Variants in ZDHHC18 observed in about 807,000 individuals in gnomAD.
ZDHHC18 encodes the protein palmitoyltransferase ZDHHC18.
ZDHHC18 carries 23 observed loss-of-function variants against 37.5 expected under a neutral mutation model. The observed-to-expected ratio is 0.61, with a 90% confidence interval of 0.44 to 0.87. The LOEUF (loss-of-function observed/expected upper bound fraction) is 0.87. Among genes scored for constraint, ZDHHC18 ranks in the 40% least tolerant of loss-of-function variants. The pLI is 0.00. For missense variants in ZDHHC18, 406 were observed against 525.6 expected (o/e 0.77, Z 2.22); for synonymous variants, 185 against 218.7 (o/e 0.85, Z 1.36).
At position 26,826,952 on chromosome 1, in the gene ZDHHC18, A is replaced by G. The variant is rs866285598; in HGVS notation, c.148A>G (p.Ser50Gly). Residue 50 changes from serine to glycine, a missense_variant, in exon 1 of 8, where the codon AGC (serine) becomes GGC (glycine). Coordinates refer to ENST00000374142, the MANE Select transcript of ZDHHC18 (RefSeq NM_032283.3). The surrounding 1 kb of genome is among the most constrained non-coding windows in gnomAD (Gnocchi z 5.2). ...PAAPAPPRWSSSGSGSGSGSG... is the reference protein window; with the variant it reads ...PAAPAPPRWSGSGSGSGSGSG... ...CGCCCCCGCCCCGCCGCGCTGGAGC[A>G]GCAGCGGCAGCGGCAGCGGCAGCGG... is the stretch of plus-strand genomic sequence containing the variant. 2,428 of 1,191,590 alleles carry G rather than the reference A, an allele frequency of 2.0e-3. 11 individuals are homozygous for G. Among genetic ancestry groups the G allele is most frequent in the Middle Eastern group, 4.0e-3 (12 of 3,022 alleles). The allele number at this position is 1,191,590 out of a possible 1,614,324, so 73.8% of individuals were successfully genotyped here.
chr1:26,852,590 G>C (rs183371110), intron 6 of ZDHHC18, among the ~76,000 whole-genome samples, 163 bp from the exon 7 acceptor site: 3 of 152,200 alleles, frequency 2.0e-5, no homozygotes, highest in African/African-American at 7.2e-5. Flanking sequence ...TCTCTGCCAG[G>C]GGTCCCCCAC....
rs528223672 is a variant in ZDHHC18 at position 26,838,918 on chromosome 1, G to C, written c.496+6311G>C. Among the ~76,000 whole-genome samples, 4 of 152,390 alleles carry C rather than the reference G, an allele frequency of 2.6e-5. No homozygotes were observed. The South Asian group carries it at 8.3e-4, about 32-fold the overall frequency. On this transcript the variant is annotated intron_variant, in intron 2 of 7. Coordinates refer to ENST00000374142, the MANE Select transcript of ZDHHC18 (RefSeq NM_032283.3). ...TATGGTGACCTAGCACTCGAGGCCT[G>C]GGAGCTGTGGCTGACCTTGAGCTGG...
Position 26,851,184 on chromosome 1 carries a change from G to C in ZDHHC18, c.889G>C (p.Gly297Arg), listed in dbSNP as rs770969399. The change falls in exon 6 of 8, where the codon GGG becomes CGG. Residue 297 changes from glycine (G) to arginine (R), a missense_variant. By Grantham distance (125) the Gly-to-Arg change is moderately radical (BLOSUM62 -2). Transcript: ENST00000374142. ...FSIWSILGLS[G>R]FHTYLVASNL... is the part of the protein sequence containing the mutation. Reference sequence around the variant, plus strand: ...CATCTGGTCCATTCTGGGCCTCTCAGGGTTTCACACGTACCTCGTCGCCTC... The same window carrying C: ...CATCTGGTCCATTCTGGGCCTCTCACGGTTTCACACGTACCTCGTCGCCTC... 6.2e-7 allele frequency: 1 copy of C among 1,614,170 alleles called. No individual in the cohort carries two copies. The highest frequency in any genetic ancestry group is 2.2e-5 in the East Asian group (1 of 44,892).
intron 1 of ZDHHC18, 136 bp downstream of exon 1, chr1:26,827,275 G>C (rs1178016304): frequency 1.6e-5 from 12 of 729,844 alleles, no homozygotes; most frequent in Admixed American, 4.4e-5. Context: ...GATCCTCCTC[G>C]GGCCTCTTGT....
chr1:26,846,930 C>T (rs1203953970), intron 2 of ZDHHC18, among the ~76,000 whole-genome samples: 1 of 151,482 alleles, frequency 6.6e-6, no homozygotes, highest in Non-Finnish European at 1.5e-5. Flanking sequence ...GAGTCTCCCA[C>T]CGTCGCCCAG....
chr1:26,829,792 T>C (rs1351059485), intron 1 of ZDHHC18, among the ~76,000 whole-genome samples: 1 of 152,216 alleles, frequency 6.6e-6, no homozygotes, highest in African/African-American at 2.4e-5. Context: ...CCTAGTTCTG[T>C]CATTGGCTGG....
Position 26,847,536 on chromosome 1 carries a change from T to C in ZDHHC18, c.497-1072T>C, listed in dbSNP as rs139726264. Among the ~76,000 whole-genome samples the C allele has an allele frequency of 4.7e-3, 713 of 152,296 alleles. 3 individuals carry two copies. Among genetic ancestry groups the C allele is most frequent in the Non-Finnish European group, 7.9e-3 (540 of 68,024 alleles). ...CTGTTTCGTAGTTTTTAATCTGTAGTCAGATTTCCACAGTTGCCCTCCAAA... is the reference window on the plus strand; with the variant it reads ...CTGTTTCGTAGTTTTTAATCTGTAGCCAGATTTCCACAGTTGCCCTCCAAA... On this transcript the variant is annotated intron_variant, in intron 2 of 7. Coordinates refer to ENST00000374142, the MANE Select transcript of ZDHHC18 (RefSeq NM_032283.3).
rs2081728102 is a variant in ZDHHC18 at position 26,855,275 on chromosome 1, A to G, written c.*1432A>G. On this transcript the variant is annotated 3_prime_UTR_variant, in exon 8 of 8. Transcript: ENST00000374142. Reference sequence around the variant, plus strand: ...CTGGAAGACAAGGTGTTTCTGCCAAACGGGGACCTCCATCCAGAGAAAAGG... The same window carrying G: ...CTGGAAGACAAGGTGTTTCTGCCAAGCGGGGACCTCCATCCAGAGAAAAGG... The G allele has an allele frequency of 6.6e-6, 1 of 152,358 alleles. No individual in the cohort carries two copies. The highest frequency in any genetic ancestry group is 1.5e-5 in the Non-Finnish European group (1 of 68,132). The allele number at this position is 152,358 out of a possible 1,614,324, so 9.4% of individuals were successfully genotyped here. A position where few individuals can be genotyped will look rare whatever the true frequency, so the allele number is the denominator to read the frequency against.
intron 2 of ZDHHC18, among the ~76,000 whole-genome samples, chr1:26,842,019 C>G (rs2081641588): frequency 6.6e-6 from 1 of 151,928 alleles, no homozygotes. Context: ...CCTGTAATCC[C>G]AGCTACCCAG....
At chr1:26,836,286 C>T (rs1315091645) in intron 2 of ZDHHC18, among the ~76,000 whole-genome samples, 1 of 152,180 alleles carries the variant, frequency 6.6e-6, no homozygotes, top group Non-Finnish European at 1.5e-5. Context: ...CCTTTGTCTC[C>T]AGGACGTCTC....
intron 2 of ZDHHC18, among the ~76,000 whole-genome samples, chr1:26,844,363 ATAT>A (rs2081653203): frequency 6.6e-6 from 1 of 152,170 alleles, no homozygotes; most frequent in African/African-American, 2.4e-5. Context: ...AGATTCATTA[ATAT>A]TATTGTGTGT....
At position 26,850,566 on chromosome 1, in the gene ZDHHC18, G is replaced by A. The variant is rs746332023; in HGVS notation, c.793G>A (p.Gly265Arg). The change falls in exon 5 of 8, where the codon GGA becomes AGA. Residue 265 changes from glycine (G) to arginine (R), a missense_variant. Gly to Arg is a moderately radical substitution (Grantham distance 125, BLOSUM62 -2). Coordinates refer to ENST00000374142, the MANE Select transcript of ZDHHC18 (RefSeq NM_032283.3). This position sits in a 1 kb window ranked among gnomAD's most constrained non-coding sequence, Gnocchi z 6.1. The part of the protein sequence containing the change: ...VVTHLTLRAQ[G>R]SNFLSTLKET... ...TGTTTCTTTCTCCCCAGGCGCTCAG[G>A]GAAGCAACTTCCTCTCCACTCTGAA... is the stretch of plus-strand genomic sequence containing the variant. The A allele has an allele frequency of 3.7e-6, 6 of 1,613,998 alleles. No homozygotes were observed. The highest frequency in any genetic ancestry group is 4.2e-6 in the Non-Finnish European group (5 of 1,180,012).
chr1:26,834,715 A>G (rs1331684501), intron 2 of ZDHHC18, among the ~76,000 whole-genome samples: 2 of 152,194 alleles, frequency 1.3e-5, no homozygotes, highest in Non-Finnish European at 2.9e-5. Context: ...TGAATGACTG[A>G]AGAATAGGTG....
rs370957461 is a variant in ZDHHC18 at position 26,853,736 on chromosome 1, C to A, written c.1060C>A (p.Arg354=). The A allele has an allele frequency of 1.2e-6, 2 of 1,613,880 alleles. No individual in the cohort carries two copies. Among genetic ancestry groups the A allele is most frequent in the African/African-American group, 2.7e-5 (2 of 74,912 alleles). ...CTTGTGTTTTGGAAGCCTAATTGAC[C>A]GGAGGGGATTTGTGCAGTCCGACAC... ...CGPLPPSLID[R]RGFVQSDTVL... is the part of the protein sequence containing the mutation. Residue 354 remains arginine (R), a synonymous_variant, in exon 8 of 8, where the codon CGG becomes AGG. Transcript: ENST00000374142.
intron 2 of ZDHHC18, among the ~76,000 whole-genome samples, chr1:26,847,893 C>T (rs2081680284): frequency 6.6e-6 from 1 of 152,186 alleles, no homozygotes; most frequent in South Asian, 2.1e-4. Flanking sequence ...AGAGATCAGG[C>T]CAGCAGTCTT....
At chr1:26,849,414 C>T (rs2081689945) in intron 3 of ZDHHC18, among the ~76,000 whole-genome samples, 2 of 152,174 alleles carry the variant, frequency 1.3e-5, no homozygotes, top group South Asian at 4.1e-4. Flanking sequence ...GTGCATAGTT[C>T]CCAGGGCAGT....
At chr1:26,827,798 C>A (rs779723888) in intron 1 of ZDHHC18, among the ~76,000 whole-genome samples, 1 of 152,176 alleles carries the variant, frequency 6.6e-6, no homozygotes, top group Non-Finnish European at 1.5e-5. Flanking sequence ...TCTCGGGCCC[C>A]CTTTCCTTCT....
At chr1:26,847,677 T>C (rs979664040) in intron 2 of ZDHHC18, among the ~76,000 whole-genome samples, 1 of 151,908 alleles carries the variant, frequency 6.6e-6, no homozygotes, top group Admixed American at 6.6e-5. Context: ...CTGCCTCTCT[T>C]TCTCTCTCTC....
chr1:26,849,939 T>C (rs911350399), intron 3 of ZDHHC18, among the ~76,000 whole-genome samples: 30 of 152,112 alleles, frequency 2.0e-4, no homozygotes, highest in African/African-American at 7.0e-4. Context: ...GCCAATCCAG[T>C]TATTATAAAT....
Sources: gnomAD v4.1 joint callset for allele counts (sites outside exome capture counted in the v4.1 genomes callset) on GRCh38, gnomAD v4.1.1 for gene constraint, Gnocchi (gnomAD v3.1) non-coding constraint, MANE v1.5 for transcripts, NCBI Gene and HGNC (gene_info 2026-07-23, HGNC 2026-07-21) for gene names.